GLI3: variants seen among roughly 807,000 people sequenced by gnomAD.
GLI3 encodes the protein GLI family zinc finger 3.
A neutral mutation model predicts 100.8 loss-of-function variants in GLI3; 20 were observed. The observed-to-expected ratio is 0.20, with a 90% CI of 0.14 to 0.29. GLI3 has a LOEUF of 0.29. Ranked by LOEUF, GLI3 falls within the 10% of genes least tolerant of loss-of-function variation. The probability of loss-of-function intolerance (pLI) is 1.00; values close to 1 mark genes in which losing one functional copy is unlikely to be tolerated. For synonymous variants in GLI3, 938 were observed against 860.5 expected, an observed-to-expected ratio of 1.09 and a Z score of -1.58; for missense variants, 2,040 against 2,128.5, an observed-to-expected ratio of 0.96 and a Z score of 0.82.
In GLI3 at chr7:41,972,382, C is replaced by G; in HGVS notation, c.2058G>C (p.Arg686=). The part of the protein sequence containing the change: ...QQDLSNTTSK[R]EECLQVKTVK... ...CGGTTTTCACCTGGAGGCATTCTTC[C>G]CGCTTTGAGGTAGTGTTGCTGAGGT... is the stretch of plus-strand genomic sequence containing the variant. The change falls in exon 13 of 15, where the codon CGG becomes CGC. Residue 686 remains arginine (R), a synonymous_variant. Coordinates refer to ENST00000395925, the MANE Select transcript of GLI3 (RefSeq NM_000168.6). The surrounding 1 kb of genome is among the most constrained non-coding windows in gnomAD (Gnocchi z 4.4). The G allele has an allele frequency of 6.2e-7, 1 of 1,614,026 alleles. No homozygotes were observed.
intron 3 of GLI3, among the ~76,000 whole-genome samples, chr7:42,105,946 A>G (rs1294517911): frequency 6.6e-6 from 1 of 152,192 alleles, no homozygotes; most frequent in Non-Finnish European, 1.5e-5. Flanking sequence ...CCCCACCAGG[A>G]AATCAAATTT....
intron 3 of GLI3, among the ~76,000 whole-genome samples, chr7:42,093,180 G>C (rs542357714): frequency 2.6e-5 from 4 of 151,844 alleles, no homozygotes; most frequent in Admixed American, 2.0e-4. Context: ...AGGAGTTCGA[G>C]ACCAGCCTGT....
chr7:42,162,104 G>T (rs1034117673), intron 2 of GLI3, among the ~76,000 whole-genome samples: 1 of 152,210 alleles, frequency 6.6e-6, no homozygotes, highest in African/African-American at 2.4e-5. Context: ...GAGAAGGGAC[G>T]CAGAGGCTAC....
intron 7 of GLI3, among the ~76,000 whole-genome samples, chr7:42,030,140 C>T (rs185077647): frequency 2.0e-5 from 3 of 152,164 alleles, no homozygotes; most frequent in Non-Finnish European, 4.4e-5. Context: ...TGTTCCATTA[C>T]CTGGAGGCTG....
intron 3 of GLI3, chr7:42,145,621 A>G (rs976860830): frequency 5.6e-5 from 20 of 354,830 alleles, no homozygotes; most frequent in African/African-American, 4.8e-4. Context: ...CAAGAAAGAA[A>G]GAAAAAAAAA....
intron 2 of GLI3, among the ~76,000 whole-genome samples, chr7:42,195,332 C>T (rs1011317071): frequency 1.2e-4 from 18 of 152,296 alleles, no homozygotes; most frequent in Admixed American, 3.3e-4. Context: ...TAGCCAGCTT[C>T]GTCAAAACAT....
rs528361996 is a variant in GLI3 at position 41,975,134 on chromosome 7, A to G, written c.1812+2424T>C. Among the ~76,000 whole-genome samples, 102 of 152,344 alleles carry G rather than the reference A, an allele frequency of 6.7e-4. 1 individual carries two copies. Among genetic ancestry groups the G allele is most frequent in the African/African-American group, 2.4e-3 (99 of 41,574 alleles). ...AAAAATGAGCTGTCTGATCTGGAGT[A>G]AGAAGTCCTGTCAGAGCTACGGTCA... On this transcript the variant is annotated intron_variant, in intron 12 of 14. Coordinates refer to ENST00000395925, the MANE Select transcript of GLI3 (RefSeq NM_000168.6).
intron 11 of GLI3, chr7:41,977,950 T>A (rs1292067564): frequency 1.7e-6 from 1 of 579,596 alleles, no homozygotes; most frequent in Middle Eastern, 4.6e-4. Flanking sequence ...AGTTTTTTTT[T>A]TTAATAGACC....
chr7:42,008,967 T>G (rs1222232065), intron 10 of GLI3, among the ~76,000 whole-genome samples: 2 of 152,240 alleles, frequency 1.3e-5, no homozygotes, highest in Non-Finnish European at 2.9e-5. Flanking sequence ...CAAACAACTC[T>G]GATGATAATT....
At chr7:42,237,277 G>A (rs1310000890), upstream of GLI3, among the ~76,000 whole-genome samples, 5 of 151,516 alleles carry the variant, frequency 3.3e-5, no homozygotes, top group Non-Finnish European at 7.4e-5. Context: ...ATCAGTTTCG[G>A]GGATCGTGTA....
chr7:42,085,068 C>T (rs1025427826), intron 3 of GLI3, among the ~76,000 whole-genome samples: 7 of 151,708 alleles, frequency 4.6e-5, no homozygotes, highest in South Asian at 2.1e-4. Flanking sequence ...CCCACCACCA[C>T]GCCCGGCTAA....
intron 6 of GLI3, among the ~76,000 whole-genome samples, chr7:42,042,413 AT>A (rs1784165516): frequency 6.6e-6 from 1 of 152,180 alleles, no homozygotes; most frequent in Admixed American, 6.5e-5. Flanking sequence ...TGAGAGGCTA[AT>A]TTCATCATGG....
chr7:42,208,278 G>C (rs1316773401), intron 2 of GLI3, among the ~76,000 whole-genome samples: 2 of 152,200 alleles, frequency 1.3e-5, no homozygotes, highest in East Asian at 3.8e-4. Flanking sequence ...GTGGCCTTCA[G>C]TGAAGTCAGA....
At chr7:42,152,915 G>A (rs76424869) in intron 2 of GLI3, among the ~76,000 whole-genome samples, 2,547 of 152,204 alleles carry the variant, frequency 0.017, 79 homozygotes, top group African/African-American at 0.059. Flanking sequence ...AGTGCACAGC[G>A]ACTCCTCATT....
At position 42,049,504 on chromosome 7, in the gene GLI3, G is replaced by A. The variant is rs144168202; in HGVS notation, c.474-808C>T. 1.9e-4 allele frequency among the ~76,000 whole-genome samples: 29 copies of A among 152,308 alleles called. 1 individual carries two copies. The East Asian group carries it at 5.4e-3, about 28-fold the overall frequency. On this transcript the variant is annotated intron_variant, in intron 4 of 14. Transcript: ENST00000395925. ...TAAGTGCTCCCGGGTTAGAAAGTTGGGGAAGAATGCATTTTCAATCAAGCC... is the reference window on the plus strand; with the variant it reads ...TAAGTGCTCCCGGGTTAGAAAGTTGAGGAAGAATGCATTTTCAATCAAGCC...
rs1422120650 is a variant in GLI3 at position 41,962,253 on chromosome 7, A to C, written c.*2077T>G. ...AGAACACTCAGGCCCCATGCTTTGA[A>C]AACAAGAGTTGGAAAGGGATTGAAC... On this transcript the variant is annotated 3_prime_UTR_variant, in exon 15 of 15. Transcript: ENST00000395925. 1.3e-5 allele frequency: 2 copies of C among 152,258 alleles called. No individual in the cohort carries two copies. Among genetic ancestry groups the C allele is most frequent in the African/African-American group, 4.8e-5 (2 of 41,468 alleles). The allele number at this position is 152,258 out of a possible 1,614,324, so 9.4% of individuals were successfully genotyped here.
chr7:42,016,461 C>T (rs999836720), intron 10 of GLI3, among the ~76,000 whole-genome samples: 24 of 152,172 alleles, frequency 1.6e-4, no homozygotes, highest in Non-Finnish European at 3.1e-4. Context: ...CTCTAAATAT[C>T]TTGACATTTT....
chr7:42,205,780 A>G (rs1300472859), intron 2 of GLI3, among the ~76,000 whole-genome samples: 1 of 152,162 alleles, frequency 6.6e-6, no homozygotes. Context: ...TAAGTGACAG[A>G]TTTTTTTAAA....
intron 10 of GLI3, among the ~76,000 whole-genome samples, chr7:42,020,678 T>TA (rs1273966886): frequency 1.3e-5 from 2 of 152,168 alleles, no homozygotes; most frequent in Non-Finnish European, 2.9e-5. Context: ...CTTCCCTCTG[T>TA]AAAAAAGTAG....
Sources: allele counts gnomAD v4.1 joint callset (sites outside exome capture counted in the v4.1 genomes callset), GRCh38; gene constraint gnomAD v4.1.1; non-coding constraint Gnocchi (gnomAD v3.1); transcripts MANE v1.5; gene names NCBI Gene and HGNC (gene_info 2026-07-23, HGNC 2026-07-21).